LGI1: variants seen among roughly 807,000 people sequenced by gnomAD.
LGI1 encodes leucine-rich glioma-inactivated protein 1.
In LGI1, 11 loss-of-function variants were observed where a neutral mutation model predicts 57.7. The ratio of observed to expected loss-of-function variants is 0.19; its 90% confidence interval spans 0.12 to 0.32. The LOEUF is 0.32. Ranked by LOEUF, LGI1 falls within the 10% of genes least tolerant of loss-of-function variation. The probability of loss-of-function intolerance (pLI) is 1.00; values close to 1 mark genes in which losing one functional copy is unlikely to be tolerated. For missense variants in LGI1, 422 were observed against 661.9 expected (o/e 0.64, Z 3.98); for synonymous variants, 222 against 241.9 (o/e 0.92, Z 0.76).
intron 4 of LGI1, among the ~76,000 whole-genome samples, chr10:93,778,493 C>A (rs763591482): frequency 1.5e-4 from 23 of 152,152 alleles, no homozygotes; most frequent in Non-Finnish European, 2.9e-4. Flanking sequence ...ACATTTACAT[C>A]ACTTTTCATC....
intron 5 of LGI1, 39 bp downstream of exon 5, chr10:93,790,209 T>C: frequency 6.7e-7 from 1 of 1,492,900 alleles, no homozygotes; most frequent in Non-Finnish European, 9.3e-7. Flanking sequence ...ATTAATTAAT[T>C]TGCAGTCATT....
At chr10:93,762,238 T>C (rs147059534) in intron 2 of LGI1, among the ~76,000 whole-genome samples, 2,777 of 152,328 alleles carry the variant, frequency 0.018, 34 homozygotes, top group Middle Eastern at 0.044. Context: ...CAATTGGATG[T>C]GGTCTTGTTT....
intron 7 of LGI1, among the ~76,000 whole-genome samples, chr10:93,796,323 C>T (rs1159155707): frequency 6.6e-6 from 1 of 152,168 alleles, no homozygotes; most frequent in East Asian, 1.9e-4. Context: ...AAAACAATTA[C>T]AGTAGAGCCA....
chr10:93,772,911 T>TAAA, intron 2 of LGI1: 1 of 144,062 alleles, frequency 6.9e-6, no homozygotes, highest in Non-Finnish European at 1.5e-5. Context: ...TCCATCTCTA[T>TAAA]AAAAAAAAAA....
chr10:93,774,034 T>A (rs2059768042), intron 2 of LGI1, among the ~76,000 whole-genome samples: 1 of 152,162 alleles, frequency 6.6e-6, no homozygotes, highest in South Asian at 2.1e-4. Flanking sequence ...CCAACTCATA[T>A]TATTGCAGAC....
At chr10:93,778,935 A>G (rs757772084) in intron 4 of LGI1, 2 of 152,210 alleles carry the variant, frequency 1.3e-5, no homozygotes, top group Non-Finnish European at 2.9e-5. Context: ...AGCAAAGAGA[A>G]GCTAATAGCC....
chr10:93,760,573 G>T (rs758067885), intron 2 of LGI1, among the ~76,000 whole-genome samples: 4 of 152,182 alleles, frequency 2.6e-5, no homozygotes, highest in Non-Finnish European at 5.9e-5. Context: ...ATTAGCTGTG[G>T]CACAGAAAGC....
chr10:93,777,526 AATAT>A lies in LGI1; in HGVS notation c.360-19_360-16del. 1.2e-6 allele frequency: 2 copies of A among 1,612,514 alleles called. No individual in the cohort carries two copies. Among genetic ancestry groups the A allele is most frequent in the Non-Finnish European group, 1.7e-6 (2 of 1,178,592 alleles). On this transcript the variant is annotated splice_polypyrimidine_tract_variant and intron_variant, in intron 3 of 7. Coordinates refer to ENST00000371418, the MANE Select transcript of LGI1 (RefSeq NM_005097.4). ...AAGTTCCTGTAACTGTTTGACAAAA[AATAT>A]TATAACTTATTGCAGATTCATAGAA... is the stretch of plus-strand genomic sequence containing the variant.
At chr10:93,784,012 AAAAT>A (rs1281739460) in intron 4 of LGI1, among the ~76,000 whole-genome samples, 4 of 152,218 alleles carry the variant, frequency 2.6e-5, no homozygotes, top group Non-Finnish European at 5.9e-5. Context: ...ACTCCATCTC[AAAAT>A]AAATAAATAC....
rs371003984 is a variant in LGI1 at position 93,781,194 on chromosome 10, TA to T, written c.431+3583del. Among the ~76,000 whole-genome samples, 299 of 150,974 alleles carry T rather than the reference TA, an allele frequency of 2.0e-3. 1 individual carries two copies. Among genetic ancestry groups the T allele is most frequent in the African/African-American group, 6.9e-3 (285 of 41,144 alleles). Reference sequence around the variant, plus strand: ...TAACATGGTGAAACCCCATCTCTACTAAAAAATACAAAAAATTAGCCGGGCG... The same window carrying T: ...TAACATGGTGAAACCCCATCTCTACTAAAAATACAAAAAATTAGCCGGGCG... On this transcript the variant is annotated intron_variant, in intron 4 of 7. Transcript: ENST00000371418.
intron 2 of LGI1, chr10:93,767,807 G>C (rs577527614): frequency 6.6e-6 from 1 of 152,294 alleles, no homozygotes; most frequent in East Asian, 1.9e-4. Flanking sequence ...CCATCTTTGG[G>C]AGGAAGGAGA....
At chr10:93,762,521 A>G (rs555927656) in intron 2 of LGI1, 1 of 152,266 alleles carries the variant, frequency 6.6e-6, no homozygotes, top group Non-Finnish European at 1.5e-5. Flanking sequence ...TCCTTATATT[A>G]GAAGCCTACA....
chr10:93,795,759 G>C (rs1160360372), intron 7 of LGI1, among the ~76,000 whole-genome samples: 1 of 152,216 alleles, frequency 6.6e-6, no homozygotes, highest in Non-Finnish European at 1.5e-5. Context: ...TGGTACATGT[G>C]TTGGAATCTG....
chr10:93,792,384 T>C, intron 5 of LGI1: 1 of 238,668 alleles, frequency 4.2e-6, no homozygotes, highest in Non-Finnish European at 8.3e-6. Flanking sequence ...ATAAAACATA[T>C]TATTAAAATG....
Position 93,758,626 on chromosome 10 carries a change from G to A in LGI1, c.216-134G>A. On this transcript the variant is annotated intron_variant, in intron 1 of 7. Coordinates refer to ENST00000371418, the MANE Select transcript of LGI1 (RefSeq NM_005097.4). The surrounding 1 kb of genome is among the most constrained non-coding windows in gnomAD (Gnocchi z 4.7). Reference sequence around the variant, plus strand: ...CTCTTACTTCATCTGGGAAGGAATAGTATCGTACTTCATAAAATAGTGTCA... The same window carrying A: ...CTCTTACTTCATCTGGGAAGGAATAATATCGTACTTCATAAAATAGTGTCA... 6.8e-6 allele frequency: 5 copies of A among 731,338 alleles called. No individual in the cohort carries two copies. Among genetic ancestry groups the A allele is most frequent in the Non-Finnish European group, 1.2e-5 (5 of 419,506 alleles). 45.3% of individuals were successfully genotyped at this position (731,338 alleles called of 1,614,324 possible). A position where few individuals can be genotyped will look rare whatever the true frequency, so the allele number is the denominator to read the frequency against.
Position 93,790,222 on chromosome 10 carries a change from C to G in LGI1, c.503+52C>G, listed in dbSNP as rs2134018156. Reference sequence around the variant, plus strand: ...CAATTAATTAATTTGCAGTCATTAACAAGGAAGCCTGGTATTGATTATTAT... The same window carrying G: ...CAATTAATTAATTTGCAGTCATTAAGAAGGAAGCCTGGTATTGATTATTAT... On this transcript the variant is annotated intron_variant, in intron 5 of 7. Transcript: ENST00000371418. The G allele has an allele frequency of 4.3e-6, 6 of 1,382,992 alleles. No individual in the cohort carries two copies. In the African/African-American group the frequency reaches 8.7e-5, roughly 20 times the overall value. The allele number at this position is 1,382,992 out of a possible 1,614,324, so 85.7% of individuals were successfully genotyped here.
chr10:93,759,630 G>T (rs1243991541), intron 2 of LGI1, among the ~76,000 whole-genome samples: 1 of 152,212 alleles, frequency 6.6e-6, no homozygotes, highest in Non-Finnish European at 1.5e-5. Flanking sequence ...CAGGTATCAG[G>T]TCGCAGACTT....
chr10:93,770,985 A>C (rs2059731158), intron 2 of LGI1: 1 of 152,202 alleles, frequency 6.6e-6, no homozygotes, highest in African/African-American at 2.4e-5. Flanking sequence ...AAACTTAATA[A>C]GTATCCTAAG....
chr10:93,767,508 A>G (rs1268451717), intron 2 of LGI1: 1 of 152,206 alleles, frequency 6.6e-6, no homozygotes. Context: ...TATGGAACAT[A>G]CAGTACTTTG....
Sources: gnomAD v4.1 joint callset for allele counts (sites outside exome capture counted in the v4.1 genomes callset) on GRCh38, gnomAD v4.1.1 for gene constraint, Gnocchi (gnomAD v3.1) non-coding constraint, MANE v1.5 for transcripts, NCBI Gene and HGNC (gene_info 2026-07-23, HGNC 2026-07-21) for gene names.